Variants in PAK5 observed in about 807,000 individuals in gnomAD.
PAK5 encodes serine/threonine-protein kinase PAK 5.
Under a neutral mutation model 65.9 loss-of-function variants are expected in PAK5, and 16 were observed. That is an observed-to-expected ratio of 0.24 (90% CI 0.16 to 0.37). The LOEUF (loss-of-function observed/expected upper bound fraction) is 0.37. Among genes scored for constraint, PAK5 ranks in the 10% least tolerant of loss-of-function variants. PAK5 has a pLI of 1.00. For missense variants in PAK5, 785 were observed against 903.9 expected, an observed-to-expected ratio of 0.87 and a Z score of 1.69; for synonymous variants, 371 against 354.9, an observed-to-expected ratio of 1.05 and a Z score of -0.51.
chr20:9,631,577 C>G (rs1377453426), intron 3 of PAK5, among the ~76,000 whole-genome samples: 4 of 152,110 alleles, frequency 2.6e-5, no homozygotes, highest in Non-Finnish European at 4.4e-5. Flanking sequence ...CCCAGCTGGC[C>G]CCCTAATTGC....
intron 3 of PAK5, among the ~76,000 whole-genome samples, chr20:9,592,120 C>G (rs1436291662): frequency 6.6e-6 from 1 of 152,048 alleles, no homozygotes; most frequent in Non-Finnish European, 1.5e-5. Flanking sequence ...AACTTCTAAC[C>G]CCATTAAATA....
At chr20:9,649,827 A>G (rs961603796) in intron 2 of PAK5, among the ~76,000 whole-genome samples, 3 of 152,154 alleles carry the variant, frequency 2.0e-5, no homozygotes, top group Admixed American at 1.3e-4. Context: ...ATATGTACCA[A>G]TTCACATATT....
chr20:9,538,380 CAA>C lies in PAK5; in HGVS notation c.*1080_*1081del, dbSNP rs946390876. The C allele has an allele frequency of 1.0e-4, 24 of 233,488 alleles. No individual in the cohort carries two copies. Among genetic ancestry groups the C allele is most frequent in the African/African-American group, 5.1e-4 (23 of 45,350 alleles). 14.5% of individuals were successfully genotyped at this position (233,488 alleles called of 1,614,324 possible). A position where few individuals can be genotyped will look rare whatever the true frequency, so the allele number is the denominator to read the frequency against. ...ACTGTGGTACAAAGGTAAATATAGA[CAA>C]GAGTTTGGTGTGCTAGCATACAGAG... On this transcript the variant is annotated 3_prime_UTR_variant, in exon 10 of 10. Transcript: ENST00000353224.
chr20:9,833,643 AT>A, intron 1 of PAK5, among the ~76,000 whole-genome samples: 1 of 151,968 alleles, frequency 6.6e-6, no homozygotes, highest in Non-Finnish European at 1.5e-5. Context: ...GTTTTCTTTT[AT>A]TTTTATATGG....
chr20:9,816,448 A>G (rs2049358365), intron 1 of PAK5, among the ~76,000 whole-genome samples: 2 of 152,130 alleles, frequency 1.3e-5, no homozygotes, highest in Non-Finnish European at 2.9e-5. Context: ...AGAAATTTGT[A>G]TTTGAATCAG....
At chr20:9,620,719 C>T (rs1007946862) in intron 3 of PAK5, among the ~76,000 whole-genome samples, 2 of 151,992 alleles carry the variant, frequency 1.3e-5, no homozygotes, top group African/African-American at 4.8e-5. Flanking sequence ...AGAGTCTCTG[C>T]CCTGGAGGTT....
At position 9,600,435 on chromosome 20, in the gene PAK5, G is replaced by A. The variant is rs114552398; in HGVS notation, c.205-19505C>T. Among the ~76,000 whole-genome samples, 1,033 of 152,224 alleles carry A rather than the reference G, an allele frequency of 6.8e-3. 19 individuals are homozygous for A. Among genetic ancestry groups the A allele is most frequent in the African/African-American group, 0.024 (978 of 41,536 alleles). ...TGGATTGAACCTATGGATGACTTTC[G>A]TAGCATTTTCACCTTAACAATATTA... On this transcript the variant is annotated intron_variant, in intron 3 of 9. Transcript: ENST00000353224.
intron 2 of PAK5, among the ~76,000 whole-genome samples, chr20:9,663,115 C>T (rs2047368783): frequency 6.6e-6 from 1 of 152,136 alleles, no homozygotes; most frequent in Admixed American, 6.5e-5. Flanking sequence ...TATTGTAATA[C>T]ATTATAGCAG....
chr20:9,618,915 G>GCTTT (rs2046715177), intron 3 of PAK5, among the ~76,000 whole-genome samples: 1 of 18,816 alleles, frequency 5.3e-5, no homozygotes, highest in East Asian at 2.3e-3. Flanking sequence ...TCTTTCTTTC[G>GCTTT]TTTTTTTTTT....
At chr20:9,569,861 C>T (rs2045746781) in intron 4 of PAK5, among the ~76,000 whole-genome samples, 1 of 151,874 alleles carries the variant, frequency 6.6e-6, no homozygotes, top group African/African-American at 2.4e-5. Flanking sequence ...AAAAACACTA[C>T]ACTTTACTAG....
At chr20:9,642,568 A>G (rs182789022) in intron 3 of PAK5, among the ~76,000 whole-genome samples, 6 of 152,338 alleles carry the variant, frequency 3.9e-5, no homozygotes, top group Non-Finnish European at 7.3e-5. Flanking sequence ...AAAAATAATG[A>G]AACTAAACAA....
chr20:9,643,235 T>A (rs2047092088), intron 3 of PAK5, among the ~76,000 whole-genome samples: 1 of 152,128 alleles, frequency 6.6e-6, no homozygotes, highest in South Asian at 2.1e-4. Context: ...TCTGGAATGA[T>A]CCACTGGATA....
At chr20:9,726,472 T>A (rs2048278847) in intron 1 of PAK5, among the ~76,000 whole-genome samples, 1 of 152,202 alleles carries the variant, frequency 6.6e-6, no homozygotes, top group South Asian at 2.1e-4. Context: ...CTGGAATTCA[T>A]CTACCTTGGG....
intron 1 of PAK5, among the ~76,000 whole-genome samples, chr20:9,765,719 G>C (rs2048749572): frequency 6.6e-6 from 1 of 152,080 alleles, no homozygotes; most frequent in Non-Finnish European, 1.5e-5. Context: ...ACATTTAACA[G>C]CACATTCTTA....
chr20:9,755,930 C>T (rs1038522706), intron 1 of PAK5, among the ~76,000 whole-genome samples: 8 of 152,158 alleles, frequency 5.3e-5, no homozygotes, highest in Non-Finnish European at 1.2e-4. Flanking sequence ...CTTCATGGCT[C>T]TTATATATGG....
intron 2 of PAK5, among the ~76,000 whole-genome samples, chr20:9,694,585 T>C (rs2047843492): frequency 6.6e-6 from 1 of 152,006 alleles, no homozygotes; most frequent in Non-Finnish European, 1.5e-5. Flanking sequence ...AGGCAAAACA[T>C]TATCTTAGCT....
chr20:9,747,568 G>C (rs1432940741), intron 1 of PAK5, among the ~76,000 whole-genome samples: 1 of 151,110 alleles, frequency 6.6e-6, no homozygotes, highest in South Asian at 2.1e-4. Context: ...CATATAAACA[G>C]AGCCAAAGAC....
intron 1 of PAK5, among the ~76,000 whole-genome samples, chr20:9,812,191 A>G (rs1600400539): frequency 6.6e-6 from 1 of 152,226 alleles, no homozygotes; most frequent in South Asian, 2.1e-4. Context: ...TAAAAATGAA[A>G]TGTCAAGCCA....
intron 4 of PAK5, among the ~76,000 whole-genome samples, chr20:9,571,224 G>A (rs146003090): frequency 3.1e-4 from 47 of 152,352 alleles, no homozygotes; most frequent in African/African-American, 1.0e-3. Context: ...AAGGAGAAAT[G>A]CATGGGTGAC....
Sources: gnomAD v4.1 joint callset for allele counts (sites outside exome capture counted in the v4.1 genomes callset) on GRCh38, gnomAD v4.1.1 for gene constraint, MANE v1.5 for transcripts, NCBI Gene and HGNC (gene_info 2026-07-23, HGNC 2026-07-21) for gene names.